The following COL11A1 variants were observed in gnomAD, a reference collection of about 807,000 sequenced individuals.
COL11A1 encodes the protein collagen alpha-1(XI) chain.
Under a neutral mutation model 265.2 loss-of-function variants are expected in COL11A1, and 74 were observed. The observed-to-expected ratio is 0.28, with a 90% CI of 0.23 to 0.34. COL11A1 has a LOEUF of 0.34. Among genes scored for constraint, COL11A1 ranks in the 10% least tolerant of loss-of-function variants. The probability of loss-of-function intolerance (pLI) is 1.00; values close to 1 mark genes in which losing one functional copy is unlikely to be tolerated. For missense variants in COL11A1, 2,165 were observed against 2,263.6 expected, an observed-to-expected ratio of 0.96 and a Z score of 0.88; for synonymous variants, 816 against 727.6, an observed-to-expected ratio of 1.12 and a Z score of -1.96.
At chr1:102,962,872 T>C (rs1243264886) in intron 38 of COL11A1, 112 bp from the exon 39 acceptor site, 1 of 915,260 alleles carries the variant, frequency 1.1e-6, no homozygotes, top group East Asian at 2.6e-5. Context: ...CCTCACTTAT[T>C]CTCATGATGT....
intron 65 of COL11A1, among the ~76,000 whole-genome samples, chr1:102,881,479 T>G (rs528150273): frequency 6.6e-6 from 1 of 152,198 alleles, no homozygotes; most frequent in Non-Finnish European, 1.5e-5. Flanking sequence ...TTGTTTTCCA[T>G]AAATTTAGCA....
intron 41 of COL11A1, among the ~76,000 whole-genome samples, chr1:102,954,831 C>G (rs949604415): frequency 7.3e-6 from 1 of 137,734 alleles, no homozygotes; most frequent in Non-Finnish European, 1.6e-5. Flanking sequence ...GCGACAAGAG[C>G]GAAACTCCCT....
intron 15 of COL11A1, among the ~76,000 whole-genome samples, chr1:103,006,987 T>C (rs1437717320): frequency 6.6e-6 from 1 of 152,152 alleles, no homozygotes; most frequent in Non-Finnish European, 1.5e-5. Context: ...ATCCCCTTTC[T>C]TTCACTTTCT....
intron 1 of COL11A1, among the ~76,000 whole-genome samples, chr1:103,092,140 AT>A (rs1673374237): frequency 6.6e-6 from 1 of 152,226 alleles, no homozygotes; most frequent in South Asian, 2.1e-4. Context: ...TCAGCATCCC[AT>A]TGTTGCCTAT....
chr1:102,993,397 A>G (rs1227064412), intron 28 of COL11A1, among the ~76,000 whole-genome samples: 1 of 152,142 alleles, frequency 6.6e-6, no homozygotes, highest in Non-Finnish European at 1.5e-5. Context: ...TCTTGATATA[A>G]AAGGCTATAG....
rs1655993743 is a variant in COL11A1 at position 102,921,557 on chromosome 1, A to T, written c.3669T>A (p.Pro1223=). Residue 1223 remains proline (P), a synonymous_variant, in exon 48 of 67, where the codon CCT becomes CCA. Transcript: ENST00000370096. ...GACCTTGAGGGCCTCTTGGGCCTGG[A>T]GGACCAGGTGGCCCCTGTAAGAGAG... ...GDVGPMGPPG[P]PGPRGPQGPN... is the part of the protein sequence containing the mutation. 1.2e-6 allele frequency: 2 copies of T among 1,613,054 alleles called. No homozygotes were observed. The highest frequency in any genetic ancestry group is 1.7e-6 in the Non-Finnish European group (2 of 1,179,476).
chr1:102,949,944 A>G (rs551198106), intron 41 of COL11A1, among the ~76,000 whole-genome samples: 1 of 152,336 alleles, frequency 6.6e-6, no homozygotes, highest in Admixed American at 6.5e-5. Flanking sequence ...CTTTATCCAA[A>G]TAATCATTCT....
At position 103,022,955 on chromosome 1, in the gene COL11A1, C is replaced by T. The variant is rs367998577; in HGVS notation, c.1032G>A (p.Thr344=). ...VEEIFTEEYL[T]GEDYDSQRKN... ...TCCTCTGGGAATCATAATCCTCTCC[C>T]GTTAGATATTCTTCAGTAAATATTT... The change falls in exon 8 of 67, where the codon ACG becomes ACA. Residue 344 remains threonine, a synonymous_variant. Transcript: ENST00000370096. 4.3e-5 allele frequency: 70 copies of T among 1,613,036 alleles called. No homozygotes were observed. The highest frequency in any genetic ancestry group is 1.5e-4 in the African/African-American group (11 of 74,864).
chr1:102,972,460 A>G (rs1038402519), intron 36 of COL11A1, among the ~76,000 whole-genome samples: 11 of 152,174 alleles, frequency 7.2e-5, no homozygotes, highest in African/African-American at 2.2e-4. Flanking sequence ...CTGAGGGAGT[A>G]GTGTTAATAT....
At chr1:102,881,832 T>A (rs1650280798) in intron 64 of COL11A1, 67 bp from the exon 65 acceptor site, 1 of 1,127,184 alleles carries the variant, frequency 8.9e-7, no homozygotes. Flanking sequence ...TATTTTTATA[T>A]ACATATAATT....
At chr1:102,949,347 T>C (rs565794586) in intron 41 of COL11A1, among the ~76,000 whole-genome samples, 2 of 152,064 alleles carry the variant, frequency 1.3e-5, no homozygotes, top group East Asian at 3.9e-4. Flanking sequence ...TCAATTTAAC[T>C]TCTGCAGTAT....
At chr1:103,011,877 C>T (rs565780852) in intron 14 of COL11A1, among the ~76,000 whole-genome samples, 53 of 152,086 alleles carry the variant, frequency 3.5e-4, no homozygotes, top group Non-Finnish European at 6.6e-4. Context: ...CTTGCTATCA[C>T]GCTAGTGAGA....
chr1:103,004,930 C>A (rs1443416499), intron 18 of COL11A1, among the ~76,000 whole-genome samples: 1 of 151,780 alleles, frequency 6.6e-6, no homozygotes, highest in Non-Finnish European at 1.5e-5. Context: ...TATCTTAAAT[C>A]GTTTTCAGAC....
chr1:103,086,816 T>A (rs1158594690), intron 1 of COL11A1, among the ~76,000 whole-genome samples: 2 of 152,062 alleles, frequency 1.3e-5, no homozygotes, highest in African/African-American at 2.4e-5. Flanking sequence ...AGCCTTTTTT[T>A]TTTTCCCAAA....
rs58451159 is a variant in COL11A1, at chr1:102,897,746, G to T, written c.4302+379C>A. Among the ~76,000 whole-genome samples the T allele has an allele frequency of 2.0e-5, 3 of 152,134 alleles. No homozygotes were observed. The South Asian group carries it at 6.2e-4, about 32-fold the overall frequency. ...ACTCACGAAGAGAACAATTTGTTTC[G>T]TCAAAGAATCACTCTATGCTGGTGC... On this transcript the variant is annotated intron_variant, in intron 57 of 66. Coordinates refer to ENST00000370096, the MANE Select transcript of COL11A1 (RefSeq NM_001854.4).
At chr1:102,936,540 C>G (rs1344990204) in intron 44 of COL11A1, among the ~76,000 whole-genome samples, 2 of 152,142 alleles carry the variant, frequency 1.3e-5, no homozygotes, top group East Asian at 1.9e-4. Context: ...AACTTTAAAG[C>G]AAAAATTAGA....
At chr1:102,994,499 C>T (rs1470229988) in intron 28 of COL11A1, among the ~76,000 whole-genome samples, 2 of 152,056 alleles carry the variant, frequency 1.3e-5, no homozygotes, top group Non-Finnish European at 2.9e-5. Flanking sequence ...CTGAGGCCTT[C>T]CAAGAAGCAG....
chr1:103,031,123 A>C lies in COL11A1; in HGVS notation c.773T>G (p.Ile258Arg), dbSNP rs2101994888. 1 of 1,613,290 alleles carries C rather than the reference A, an allele frequency of 6.2e-7. No homozygotes were observed. The highest frequency in any genetic ancestry group is 8.5e-7 in the Non-Finnish European group (1 of 1,179,566). ...PKAAQAQEPQIDEYAPEDIIE... is the reference protein window; with the variant it reads ...PKAAQAQEPQRDEYAPEDIIE... ...TGGTCTTGTGCTCCTCACCTCATCT[A>C]TCTGAGGTTCCTGAGCTTGAGCAGC... Residue 258 changes from isoleucine to arginine, a missense_variant, in exon 5 of 67, where the codon ATA becomes AGA. Physicochemically the swap from Ile to Arg is moderately conservative, Grantham distance 97. Coordinates refer to ENST00000370096, the MANE Select transcript of COL11A1 (RefSeq NM_001854.4).
Position 103,026,244 on chromosome 1 carries a change from A to T in COL11A1, c.869T>A (p.Val290Glu). ...EAESVTEGPT[V>E]TEETIAQTEA... is the part of the protein sequence containing the mutation. The stretch of plus-strand genomic sequence containing the variant: ...CGTCTGTGCTATTGTCTCCTCAGTT[A>T]CAGTGGGTCCCTCTGTTACACTTTC... The change falls in exon 6 of 67, where the codon GTA (valine) becomes GAA (glutamate). Residue 290 changes from valine (V) to glutamate (E), a missense_variant. By Grantham distance (121) the Val-to-Glu change is moderately radical. Coordinates refer to ENST00000370096, the MANE Select transcript of COL11A1 (RefSeq NM_001854.4). 1 of 1,613,436 alleles carries T rather than the reference A, an allele frequency of 6.2e-7. No homozygotes were observed. The highest frequency in any genetic ancestry group is 2.2e-5 in the East Asian group (1 of 44,864).
Sources: gnomAD v4.1 joint callset for allele counts (sites outside exome capture counted in the v4.1 genomes callset) on GRCh38, gnomAD v4.1.1 for gene constraint, MANE v1.5 for transcripts, NCBI Gene and HGNC (gene_info 2026-07-23, HGNC 2026-07-21) for gene names.